The following SETD3 variants were observed in gnomAD, a reference collection of about 807,000 sequenced individuals.
SETD3 encodes the protein SET domain containing 3, actin N3(tau)-histidine methyltransferase.
A neutral mutation model predicts 63.0 loss-of-function variants in SETD3; 19 were observed. The ratio of observed to expected loss-of-function variants is 0.30; its 90% CI spans 0.21 to 0.44. The LOEUF is 0.44. SETD3 is among the 20% of genes least tolerant of loss of function. The probability of loss-of-function intolerance (pLI) is 1.00; values close to 1 mark genes in which losing one functional copy is unlikely to be tolerated. For missense variants in SETD3, 587 were observed against 728.5 expected (o/e 0.81, Z 2.24); for synonymous variants, 286 against 264.1 (o/e 1.08, Z -0.80).
chr14:99,463,534 A>C lies in SETD3; in HGVS notation c.148T>G (p.Tyr50Asp). 3 of 1,613,836 alleles carry C rather than the reference A, an allele frequency of 1.9e-6. No homozygotes were observed. The highest frequency in any genetic ancestry group is 2.5e-6 in the Non-Finnish European group (3 of 1,179,980). ...TCAACCAGAGTCCGGATCTGCACATACTCTTCCCACTCTTTTCCTGGGCCA... is the reference window on the plus strand; with the variant it reads ...TCAACCAGAGTCCGGATCTGCACATCCTCTTCCCACTCTTTTCCTGGGCCA... ...APGPGKEWEEYVQIRTLVEKI... is the reference protein window; with the variant it reads ...APGPGKEWEEDVQIRTLVEKI... The change falls in exon 3 of 13, where the codon TAT becomes GAT. Residue 50 changes from tyrosine to aspartate, a missense_variant. Transcript: ENST00000331768.
chr14:99,461,334 G>A lies in SETD3; in HGVS notation c.203C>T (p.Ser68Phe), dbSNP rs1455194605. Residue 68 changes from serine (S) to phenylalanine (F), a missense_variant, in exon 4 of 13, where the codon TCC becomes TTC. Transcript: ENST00000331768. ...EKIRKKQKGL[S>F]VTFDGKREDY... ...TTCTCTTTTTCCATCAAAAGTAACG[G>A]ACAGACCTATATTAATCCACGTTTT... is the stretch of plus-strand genomic sequence containing the variant. 9.3e-6 allele frequency: 15 copies of A among 1,613,598 alleles called. No homozygotes were observed. The highest frequency in any genetic ancestry group is 1.3e-5 in the Non-Finnish European group (15 of 1,179,952).
intron 6 of SETD3, among the ~76,000 whole-genome samples, chr14:99,451,096 A>G (rs1001234509): frequency 6.6e-6 from 1 of 152,202 alleles, no homozygotes; most frequent in African/African-American, 2.4e-5. Flanking sequence ...AAAATCTGAT[A>G]GGATATACGT....
rs1173672917 is a variant in SETD3, at chr14:99,412,213, A to G, written c.849+738T>C. ...CAGACAACCCTCTCACAGAGCACAG[A>G]GCGCTTCACCTATGCTGCTGCCCGG... On this transcript the variant is annotated intron_variant, in intron 8 of 12. Coordinates refer to ENST00000331768, the MANE Select transcript of SETD3 (RefSeq NM_032233.3). 2.0e-5 allele frequency: 3 copies of G among 152,720 alleles called. 1 individual carries two copies. The highest frequency in any genetic ancestry group is 2.4e-5 in the African/African-American group (1 of 41,590). 9.5% of individuals were successfully genotyped at this position (152,720 alleles called of 1,614,324 possible).
intron 8 of SETD3, chr14:99,412,457 G>A (rs919014775): frequency 6.5e-6 from 1 of 153,132 alleles, no homozygotes; most frequent in Admixed American, 6.5e-5. Flanking sequence ...CATGGCCAGG[G>A]ATTCGTCAGC....
intron 6 of SETD3, among the ~76,000 whole-genome samples, chr14:99,444,690 C>T (rs1282422727): frequency 6.6e-6 from 1 of 152,084 alleles, no homozygotes; most frequent in Non-Finnish European, 1.5e-5. Flanking sequence ...AAAAACTCAT[C>T]TCTACAAAAA....
Position 99,403,482 on chromosome 14 carries a change from CTCTCTCTT to C in SETD3, c.1177+735_1177+742del, listed in dbSNP as rs374412982. 4.6e-4 allele frequency among the ~76,000 whole-genome samples: 55 copies of C among 120,520 alleles called. 1 individual carries two copies. The highest frequency in any genetic ancestry group is 1.8e-3 in the African/African-American group (50 of 28,258). The allele number at this position is 120,520 out of a possible 152,430, so 79.1% of individuals were successfully genotyped here. A position where few individuals can be genotyped will look rare whatever the true frequency, so the allele number is the denominator to read the frequency against. On this transcript the variant is annotated intron_variant, in intron 11 of 12. Coordinates refer to ENST00000331768, the MANE Select transcript of SETD3 (RefSeq NM_032233.3). ...TCTCTCTCTCTCTCTCTCTCTCTCT[CTCTCTCTT>C]TCTCTCTCTTAAAAATGAAACCTCA...
chr14:99,409,858 T>G, intron 8 of SETD3: 1 of 191,664 alleles, frequency 5.2e-6, no homozygotes, highest in Non-Finnish European at 1.1e-5. Flanking sequence ...GGCATGGGGC[T>G]TTTACAGTCA....
At chr14:99,463,278 A>T (rs956224256) in intron 3 of SETD3, among the ~76,000 whole-genome samples, 19 of 152,200 alleles carry the variant, frequency 1.2e-4, no homozygotes, top group Non-Finnish European at 2.5e-4. Context: ...AAAGCTCAAC[A>T]TTCTCACCCT....
intron 1 of SETD3, among the ~76,000 whole-genome samples, chr14:99,474,500 G>T (rs1895866888): frequency 6.6e-6 from 1 of 152,154 alleles, no homozygotes; most frequent in South Asian, 2.1e-4. Flanking sequence ...ATTTTAATTT[G>T]ATCAAAATTT....
At position 99,426,758 on chromosome 14, in the gene SETD3, CA is replaced by C. The variant is rs201562230; in HGVS notation, c.676-12825del. Among the ~76,000 whole-genome samples, 1,447 of 152,240 alleles carry C rather than the reference CA, an allele frequency of 9.5e-3. 60 individuals are homozygous for C. Among genetic ancestry groups the C allele is most frequent in the Admixed American group, 0.076 (1,155 of 15,288 alleles). On this transcript the variant is annotated intron_variant, in intron 6 of 12. Transcript: ENST00000331768. ...CTTTATTTTTTAAGGTGTCCTCTCC[CA>C]GGGGGGAGCATATTTAAATTCACAC...
rs571335100 is a variant in SETD3 at position 99,398,970 on chromosome 14, C to T, written c.1494G>A (p.Pro498=). 269 of 1,614,144 alleles carry T rather than the reference C, an allele frequency of 1.7e-4. 1 individual carries two copies. The South Asian group carries it at 2.7e-3, about 16-fold the overall frequency. ...GGTTACTCTCTTCATATTTGGGAAG[C>T]GGAGCCTTTTCCTCCATCTGTTGGC... ...YYRQQMEEKA[P]LPKYEESNLG... is the part of the protein sequence containing the mutation. Residue 498 remains proline, a synonymous_variant, in exon 13 of 13, where the codon CCG becomes CCA. Coordinates refer to ENST00000331768, the MANE Select transcript of SETD3 (RefSeq NM_032233.3).
chr14:99,438,639 T>C lies in SETD3; in HGVS notation c.675+19640A>G, dbSNP rs567831821. Reference sequence around the variant, plus strand: ...TCCTGTCAATTCTACCTGCAGGTACTTCTCGGATTCACCAGGCTAAGTAGT... The same window carrying C: ...TCCTGTCAATTCTACCTGCAGGTACCTCTCGGATTCACCAGGCTAAGTAGT... On this transcript the variant is annotated intron_variant, in intron 6 of 12. Coordinates refer to ENST00000331768, the MANE Select transcript of SETD3 (RefSeq NM_032233.3). Among the ~76,000 whole-genome samples the C allele has an allele frequency of 6.0e-4, 91 of 152,344 alleles. 1 individual carries two copies. The highest frequency in any genetic ancestry group is 2.2e-3 in the African/African-American group (90 of 41,584).
At chr14:99,417,298 T>C (rs893086643) in intron 6 of SETD3, among the ~76,000 whole-genome samples, 2 of 152,218 alleles carry the variant, frequency 1.3e-5, no homozygotes, top group African/African-American at 4.8e-5. Flanking sequence ...TATAGTCCCT[T>C]GATAAAAATG....
chr14:99,479,621 A>T (rs1896157360), intron 1 of SETD3, among the ~76,000 whole-genome samples: 1 of 152,210 alleles, frequency 6.6e-6, no homozygotes. Context: ...TATATTTTAC[A>T]TAAGATAAAA....
At chr14:99,477,362 GTCA>G (rs1470575667) in intron 1 of SETD3, among the ~76,000 whole-genome samples, 1 of 152,174 alleles carries the variant, frequency 6.6e-6, no homozygotes, top group Non-Finnish European at 1.5e-5. Flanking sequence ...TGGAAACGGG[GTCA>G]ACACAGCTAA....
chr14:99,483,422 G>A (rs1002583520), upstream of SETD3, among the ~76,000 whole-genome samples: 1 of 152,140 alleles, frequency 6.6e-6, no homozygotes, highest in Non-Finnish European at 1.5e-5. Context: ...ATGTGGAGGT[G>A]CATGCCTGTA....
rs201744392 is a variant in SETD3, at chr14:99,419,773, TCAAAAAAAAAAA to T, written c.676-5851_676-5840del. Among the ~76,000 whole-genome samples, 731 of 132,004 alleles carry T rather than the reference TCAAAAAAAAAAA, an allele frequency of 5.5e-3. 19 individuals are homozygous for T. In the East Asian group the frequency reaches 0.1, roughly 18 times the overall value. The allele number at this position is 132,004 out of a possible 152,430, so 86.6% of individuals were successfully genotyped here. A position where few individuals can be genotyped will look rare whatever the true frequency, so the allele number is the denominator to read the frequency against. On this transcript the variant is annotated intron_variant, in intron 6 of 12. Coordinates refer to ENST00000331768, the MANE Select transcript of SETD3 (RefSeq NM_032233.3). ...CTGGGCGACAGAGCGAGACTCCGTC[TCAAAAAAAAAAA>T]CAAAAAAAAAAACCTTTTTATTAGC... is the stretch of plus-strand genomic sequence containing the variant.
At chr14:99,403,451 A>ACTCTCT (rs1316443573) in intron 11 of SETD3, among the ~76,000 whole-genome samples, 92 of 107,090 alleles carry the variant, frequency 8.6e-4, no homozygotes, top group South Asian at 1.7e-3. Flanking sequence ...ACACACACAC[A>ACTCTCT]CACACTCTCT....
Position 99,398,837 on chromosome 14 carries a change from T to G in SETD3, c.1627A>C (p.Ser543Arg). 1 of 1,614,238 alleles carries G rather than the reference T, an allele frequency of 6.2e-7. No individual in the cohort carries two copies. The highest frequency in any genetic ancestry group is 8.5e-7 in the Non-Finnish European group (1 of 1,180,026). ...CCGTTTTCTGTGGCCTTTGCTTTGC[T>G]GATTGCCTCTCTGATGTTCAAGGCA... is the stretch of plus-strand genomic sequence containing the variant. ...QDALNIREAI[S>R]KAKATENGLV... Residue 543 changes from serine to arginine, a missense_variant, in exon 13 of 13, where the codon AGC (serine) becomes CGC (arginine). Coordinates refer to ENST00000331768, the MANE Select transcript of SETD3 (RefSeq NM_032233.3).
Sources: gnomAD v4.1 joint callset for allele counts (sites outside exome capture counted in the v4.1 genomes callset) on GRCh38, gnomAD v4.1.1 for gene constraint, MANE v1.5 for transcripts, NCBI Gene and HGNC (gene_info 2026-07-23, HGNC 2026-07-21) for gene names.